LARP1: variants seen among roughly 807,000 people sequenced by gnomAD.
LARP1 encodes la-related protein 1.
Under a neutral mutation model 122.7 loss-of-function variants are expected in LARP1, and 36 were observed. The observed-to-expected ratio is 0.29, with a 90% CI of 0.22 to 0.39. The LOEUF (loss-of-function observed/expected upper bound fraction) is 0.39, where lower values mean the gene tolerates loss of function less well. LARP1 is among the 10% of genes least tolerant of loss of function. The probability of loss-of-function intolerance (pLI) is 1.00; values close to 1 mark genes in which losing one functional copy is unlikely to be tolerated. For synonymous variants in LARP1, 539 were observed against 528.7 expected (o/e 1.02, Z -0.27); for missense variants, 1,040 against 1,403.6 (o/e 0.74, Z 4.14).
At position 154,790,371 on chromosome 5, in the gene LARP1, G is replaced by A; in HGVS notation, c.483G>A (p.Gln161=). Residue 161 remains glutamine (Q), a synonymous_variant, in exon 2 of 19, where the codon CAG becomes CAA. Transcript: ENST00000518297. ...TGGTGAGGGCAGCTGTTCCTAAACA[G>A]CGCAAAGGCAGCAAGGTAAAGAATA... ...AKVVRAAVPK[Q]RKGSKVGDFG... 2 of 1,613,776 alleles carry A rather than the reference G, an allele frequency of 1.2e-6. No homozygotes were observed. The highest frequency in any genetic ancestry group is 2.2e-5 in the East Asian group (1 of 44,874).
rs1446901951 is a variant in LARP1, at chr5:154,811,650, ACTCTTT to A, written c.3081+15_3081+20del. 1 of 1,613,810 alleles carries A rather than the reference ACTCTTT, an allele frequency of 6.2e-7. No homozygotes were observed. The highest frequency in any genetic ancestry group is 1.1e-5 in the South Asian group (1 of 91,080). ...AGACTTCCGAGTAGATGTAAGTGAAACTCTTTCTCTAACTCTGCTTGTCCTGGAAAG... is the reference window on the plus strand; with the variant it reads ...AGACTTCCGAGTAGATGTAAGTGAAACTCTAACTCTGCTTGTCCTGGAAAG... On this transcript the variant is annotated intron_variant, in intron 18 of 18. Coordinates refer to ENST00000518297, the MANE Select transcript of LARP1 (RefSeq NM_033551.3).
chr5:154,721,144 A>C (rs1354510662), intron 1 of LARP1, among the ~76,000 whole-genome samples: 2 of 151,750 alleles, frequency 1.3e-5, no homozygotes, highest in East Asian at 3.9e-4. Flanking sequence ...GGGGTTGGAG[A>C]CTTGCCTGGG....
At position 154,803,298 on chromosome 5, in the gene LARP1, C is replaced by G. The variant is rs772260392; in HGVS notation, c.2118C>G (p.Val706=). 5 of 1,613,964 alleles carry G rather than the reference C, an allele frequency of 3.1e-6. No individual in the cohort carries two copies. The highest frequency in any genetic ancestry group is 4.2e-6 in the Non-Finnish European group (5 of 1,180,034). Residue 706 remains valine (V), a synonymous_variant, in exon 12 of 19, where the codon GTC becomes GTG. Transcript: ENST00000518297. The surrounding 1 kb of genome is among the most constrained non-coding windows in gnomAD (Gnocchi z 4.4). ...EPEYSQIKQE[V]ENFKKVNMIS... Reference sequence around the variant, plus strand: ...TCTCATGACCTCTGCAGCAAGAAGTCGAGAACTTCAAAAAGGTCAATATGA... The same window carrying G: ...TCTCATGACCTCTGCAGCAAGAAGTGGAGAACTTCAAAAAGGTCAATATGA...
rs1758483455 is a variant in LARP1, at chr5:154,803,208, TC to T, written c.2110-80del. The T allele has an allele frequency of 1.3e-6, 2 of 1,582,444 alleles. No individual in the cohort carries two copies. The highest frequency in any genetic ancestry group is 1.3e-5 in the African/African-American group (1 of 74,202). ...GACGTGGGAGCTGCCCTCTCCAACT[TC>T]CTGCCAGTCTTGATTCCTTAAACAG... On this transcript the variant is annotated intron_variant, in intron 11 of 18. Transcript: ENST00000518297. The surrounding 1 kb of genome is among the most constrained non-coding windows in gnomAD (Gnocchi z 4.4).
At chr5:154,801,279 GCTTA>G (rs1361504602) in intron 10 of LARP1, among the ~76,000 whole-genome samples, 1 of 152,122 alleles carries the variant, frequency 6.6e-6, no homozygotes, top group Non-Finnish European at 1.5e-5. Context: ...TCTTCATCTG[GCTTA>G]CTTATGTTCA....
intron 1 of LARP1, among the ~76,000 whole-genome samples, chr5:154,723,957 G>C (rs982276671): frequency 6.6e-6 from 1 of 152,216 alleles, no homozygotes; most frequent in African/African-American, 2.4e-5. Context: ...GTAGGGTCCA[G>C]AGGACCCCTA....
chr5:154,761,619 CA>C lies in LARP1; in HGVS notation c.436+5427del, dbSNP rs1157488995. ...TGGAGGTTCAGCAGGTGCCTCAGTC[CA>C]GACTCAAAAACCTCCCTGGCTGGTC... is the stretch of plus-strand genomic sequence containing the variant. On this transcript the variant is annotated intron_variant, in intron 1 of 18. Coordinates refer to ENST00000518297, the MANE Select transcript of LARP1 (RefSeq NM_033551.3). 1.3e-4 allele frequency among the ~76,000 whole-genome samples: 20 copies of C among 152,242 alleles called. 1 individual carries two copies. The highest frequency in any genetic ancestry group is 3.4e-3 in the Middle Eastern group (1 of 294).
chr5:154,719,672 A>T (rs1471609025), intron 1 of LARP1, among the ~76,000 whole-genome samples: 2 of 150,536 alleles, frequency 1.3e-5, no homozygotes, highest in African/African-American at 2.5e-5. Flanking sequence ...GACCAGCCTG[A>T]CCAACATGGT....
chr5:154,796,032 TTATATATATTATATA>T (rs1486264688), intron 8 of LARP1, among the ~76,000 whole-genome samples: 1 of 106,150 alleles, frequency 9.4e-6, no homozygotes, highest in Non-Finnish European at 1.8e-5. Context: ...ATATATATTT[TTATATATATTATATA>T]TTTATATATT....
At chr5:154,758,004 G>A (rs1042832713) in intron 1 of LARP1, among the ~76,000 whole-genome samples, 1 of 150,812 alleles carries the variant, frequency 6.6e-6, no homozygotes, top group African/African-American at 2.4e-5. Flanking sequence ...ACAGAGTGAA[G>A]GAAAACAACT....
intron 14 of LARP1, chr5:154,804,874 T>A (rs1406439817): frequency 1.5e-5 from 7 of 456,148 alleles, no homozygotes; most frequent in South Asian, 1.1e-4. Flanking sequence ...TGGCACAGAC[T>A]GCAAATAGGC....
chr5:154,686,995 G>GTC lies in LARP1; in HGVS notation c.-180+3964_-180+3965dup, dbSNP rs376734900. 1.2e-3 allele frequency among the ~76,000 whole-genome samples: 186 copies of GTC among 152,330 alleles called. 1 individual carries two copies. Among genetic ancestry groups the GTC allele is most frequent in the African/African-American group, 4.0e-3 (167 of 41,568 alleles). ...CTTTCCTAGAGAGAAATCAGTCTCT[G>GTC]TCTCTCTTAGACCGACCCCTCAGTC... On this transcript the variant is annotated intron_variant, in intron 1 of 18. Transcript: ENST00000687700.
intron 1 of LARP1, 111 bp from the exon 2 acceptor site, chr5:154,790,214 G>C: frequency 1.2e-6 from 1 of 800,436 alleles, no homozygotes; most frequent in Non-Finnish European, 2.1e-6. Flanking sequence ...TTTCTCCTTT[G>C]GGAACTTGCA....
chr5:154,730,512 G>A (rs1244540675), intron 1 of LARP1, among the ~76,000 whole-genome samples: 1 of 150,138 alleles, frequency 6.7e-6, no homozygotes, highest in African/African-American at 2.5e-5. Context: ...TGCCGTGGTC[G>A]CCCAGGCTGG....
intron 1 of LARP1, among the ~76,000 whole-genome samples, chr5:154,768,080 A>G (rs1048532925): frequency 6.6e-6 from 1 of 152,216 alleles, no homozygotes; most frequent in African/African-American, 2.4e-5. Flanking sequence ...CACTTGGCCT[A>G]AAGCTCTGAT....
At chr5:154,692,643 TAA>T (rs909952653) in intron 1 of LARP1, among the ~76,000 whole-genome samples, 2 of 152,142 alleles carry the variant, frequency 1.3e-5, no homozygotes, top group African/African-American at 4.8e-5. Context: ...GCCAACAGGG[TAA>T]AGAGTTCTTC....
At chr5:154,807,323 G>A (rs1758868765) in intron 15 of LARP1, among the ~76,000 whole-genome samples, 2 of 152,134 alleles carry the variant, frequency 1.3e-5, no homozygotes, top group East Asian at 1.9e-4. Context: ...TCCTGTAGAC[G>A]TAGTTTCTCC....
chr5:154,728,011 T>C (rs1756332291), intron 1 of LARP1, among the ~76,000 whole-genome samples: 1 of 152,142 alleles, frequency 6.6e-6, no homozygotes, highest in South Asian at 2.1e-4. Flanking sequence ...GAGGTTGCAG[T>C]GAGCTGAGAT....
rs1335902419 is a variant in LARP1 at position 154,757,834 on chromosome 5, C to A, written c.436+1641C>A. ...CTCCCCTTCCCCCCTGCTCCCCTTC[C>A]CCCCTGCTCCCCTTCCCCCCTGCTC... On this transcript the variant is annotated intron_variant, in intron 1 of 18. Transcript: ENST00000518297. Among the ~76,000 whole-genome samples, 10 of 41,614 alleles carry A rather than the reference C, an allele frequency of 2.4e-4. No individual in the cohort carries two copies. In the East Asian group the frequency reaches 8.8e-3, roughly 37 times the overall value. 27.3% of individuals were successfully genotyped at this position (41,614 alleles called of 152,430 possible).
Sources: gnomAD v4.1 joint callset for allele counts (sites outside exome capture counted in the v4.1 genomes callset) on GRCh38, gnomAD v4.1.1 for gene constraint, Gnocchi (gnomAD v3.1) non-coding constraint, MANE v1.5 for transcripts, NCBI Gene and HGNC (gene_info 2026-07-23, HGNC 2026-07-21) for gene names.